FANCC: variants seen among roughly 807,000 people sequenced by gnomAD.
FANCC encodes the protein FA complementation group C.
Under a neutral mutation model 71.3 loss-of-function variants are expected in FANCC, and 55 were observed. That is an observed-to-expected ratio of 0.77 (90% CI 0.62 to 0.97). The LOEUF is 0.97. Among genes scored for constraint, FANCC ranks in the 50% least tolerant of loss-of-function variants. The pLI is 0.00. For missense variants in FANCC, 678 were observed against 670.9 expected (o/e 1.01, Z -0.12); for synonymous variants, 275 against 244.9 (o/e 1.12, Z -1.15).
chr9:95,165,651 T>C (rs892906196), intron 6 of FANCC, among the ~76,000 whole-genome samples: 11 of 152,118 alleles, frequency 7.2e-5, no homozygotes, highest in Non-Finnish European at 1.6e-4. Flanking sequence ...ATAGTTACTA[T>C]GATTTCAGTC....
intron 1 of FANCC, among the ~76,000 whole-genome samples, chr9:95,287,824 C>G (rs371478966): frequency 3.0e-4 from 46 of 152,272 alleles, no homozygotes; most frequent in African/African-American, 1.1e-3. Context: ...AGGAGCTGCA[C>G]AGAGTAGTAT....
chr9:95,214,230 C>T (rs1435465119), intron 4 of FANCC, among the ~76,000 whole-genome samples: 2 of 152,208 alleles, frequency 1.3e-5, no homozygotes, highest in African/African-American at 4.8e-5. Context: ...GAGTTGAGAA[C>T]AGCCTGGGGA....
At chr9:95,245,929 ATCTCTCCATC>A (rs1158516651) in intron 3 of FANCC, among the ~76,000 whole-genome samples, 1 of 151,680 alleles carries the variant, frequency 6.6e-6, no homozygotes, top group Non-Finnish European at 1.5e-5. Flanking sequence ...CATAAATGTG[ATCTCTCCATC>A]TCTCTCAAAA....
chr9:95,270,332 G>C (rs1157883212), intron 1 of FANCC, among the ~76,000 whole-genome samples: 2 of 152,114 alleles, frequency 1.3e-5, no homozygotes, highest in African/African-American at 4.8e-5. Flanking sequence ...CAACACGAGA[G>C]GGGAGCCTGT....
At chr9:95,259,453 T>C (rs1169031875) in intron 1 of FANCC, among the ~76,000 whole-genome samples, 1 of 152,212 alleles carries the variant, frequency 6.6e-6, no homozygotes, top group African/African-American at 2.4e-5. Flanking sequence ...AAGGATCCCC[T>C]ATTTAATAAA....
At chr9:95,280,396 A>G (rs548170753) in intron 1 of FANCC, among the ~76,000 whole-genome samples, 29 of 152,300 alleles carry the variant, frequency 1.9e-4, no homozygotes, top group African/African-American at 6.5e-4. Context: ...AAGAAAACAG[A>G]ACACTTGAAT....
intron 7 of FANCC, among the ~76,000 whole-genome samples, chr9:95,136,918 A>G (rs1588138819): frequency 6.6e-6 from 1 of 152,180 alleles, no homozygotes; most frequent in Admixed American, 6.5e-5. Flanking sequence ...CTGAGCCCCA[A>G]CTGCTGGCTC....
chr9:95,174,970 C>G (rs1253209007), intron 4 of FANCC, among the ~76,000 whole-genome samples: 2 of 152,184 alleles, frequency 1.3e-5, no homozygotes, highest in Non-Finnish European at 2.9e-5. Flanking sequence ...ATTCCACAAA[C>G]CTTCAAGCTT....
chr9:95,293,204 T>G lies in FANCC; in HGVS notation c.-79+24322A>C, dbSNP rs1266305883. On this transcript the variant is annotated intron_variant, in intron 1 of 14. Coordinates refer to ENST00000289081, the MANE Select transcript of FANCC (RefSeq NM_000136.3). ...ACTCTTTCTTACAACATCACCGAGA[T>G]AGCCTCAAAAGTTGCTTTTACCAAA... is the stretch of plus-strand genomic sequence containing the variant. The G allele has an allele frequency of 3.7e-6, 6 of 1,612,328 alleles. No homozygotes were observed. In the South Asian group the frequency reaches 5.5e-5, roughly 15 times the overall value.
chr9:95,107,501 G>A lies in FANCC; in HGVS notation c.1330-232C>T, dbSNP rs574293285. 13 of 595,580 alleles carry A rather than the reference G, an allele frequency of 2.2e-5. No homozygotes were observed. The South Asian group carries it at 2.2e-4, about 10-fold the overall frequency. The allele number at this position is 595,580 out of a possible 1,614,324, so 36.9% of individuals were successfully genotyped here. On this transcript the variant is annotated intron_variant, in intron 13 of 14. Coordinates refer to ENST00000289081, the MANE Select transcript of FANCC (RefSeq NM_000136.3). Reference sequence around the variant, plus strand: ...GCTCACCAAGCAGTCAGGGCACCATGCCAGGAACTGACCTTTTTTTGTATA... The same window carrying A: ...GCTCACCAAGCAGTCAGGGCACCATACCAGGAACTGACCTTTTTTTGTATA...
At position 95,157,901 on chromosome 9, in the gene FANCC, A is replaced by G. The variant is rs150324704; in HGVS notation, c.522-7814T>C. ...CAGAAGATATAATCTGCAGCCATGA[A>G]CTGCAATACTTGATAAATGTCCCCA... On this transcript the variant is annotated intron_variant, in intron 6 of 14. Transcript: ENST00000289081. Among the ~76,000 whole-genome samples the G allele has an allele frequency of 1.2e-3, 184 of 152,304 alleles. 1 individual carries two copies. Among genetic ancestry groups the G allele is most frequent in the African/African-American group, 4.4e-3 (181 of 41,560 alleles).
chr9:95,224,395 C>T (rs532478742), intron 4 of FANCC, among the ~76,000 whole-genome samples: 1 of 152,096 alleles, frequency 6.6e-6, no homozygotes, highest in East Asian at 1.9e-4. Context: ...CCTATAAACA[C>T]GGTGACAATA....
intron 4 of FANCC, among the ~76,000 whole-genome samples, chr9:95,221,803 T>C (rs1829290643): frequency 6.6e-6 from 1 of 152,130 alleles, no homozygotes; most frequent in Non-Finnish European, 1.5e-5. Context: ...CCAAAACCAC[T>C]TTGAGAGACT....
intron 4 of FANCC, among the ~76,000 whole-genome samples, chr9:95,200,618 A>G (rs1827748000): frequency 6.6e-6 from 1 of 152,200 alleles, no homozygotes; most frequent in South Asian, 2.1e-4. Context: ...CATCTCATCT[A>G]TAACATGGAG....
At chr9:95,105,425 T>C (rs549915997) in intron 14 of FANCC, among the ~76,000 whole-genome samples, 80 of 152,342 alleles carry the variant, frequency 5.3e-4, no homozygotes, top group African/African-American at 1.9e-3. Flanking sequence ...TGTATGTATA[T>C]GTCAACAAAA....
At chr9:95,179,749 T>C (rs12000012) in intron 4 of FANCC, among the ~76,000 whole-genome samples, 11,496 of 152,218 alleles carry the variant, frequency 0.076, 610 homozygotes, top group South Asian at 0.24. Context: ...TCTTATCTTA[T>C]AAAAATAAAA....
At chr9:95,230,136 C>G (rs1027454528) in intron 4 of FANCC, among the ~76,000 whole-genome samples, 28 of 151,962 alleles carry the variant, frequency 1.8e-4, no homozygotes, top group Non-Finnish European at 2.4e-4. Context: ...GAAATCAATG[C>G]AGGTATTTCT....
intron 7 of FANCC, among the ~76,000 whole-genome samples, chr9:95,143,443 G>A (rs954896297): frequency 1.3e-5 from 2 of 152,124 alleles, no homozygotes; most frequent in African/African-American, 4.8e-5. Context: ...CTATCTGGGG[G>A]CCCACCAGGA....
At chr9:95,288,728 G>C (rs1833835132) in intron 1 of FANCC, among the ~76,000 whole-genome samples, 1 of 151,282 alleles carries the variant, frequency 6.6e-6, no homozygotes, top group African/African-American at 2.4e-5. Context: ...TCACACATAG[G>C]GCATTTCACT....
Sources: gnomAD v4.1 joint callset for allele counts (sites outside exome capture counted in the v4.1 genomes callset) on GRCh38, gnomAD v4.1.1 for gene constraint, MANE v1.5 for transcripts, NCBI Gene and HGNC (gene_info 2026-07-23, HGNC 2026-07-21) for gene names.